Variants in DNM2 observed in about 807,000 individuals in gnomAD.
DNM2 encodes the protein dynamin-2.
DNM2 carries 15 observed loss-of-function variants against 99.0 expected under a neutral mutation model. That is an observed-to-expected ratio of 0.15 (90% CI 0.10 to 0.23). DNM2 has a LOEUF of 0.23. Ranked by LOEUF, DNM2 falls within the 10% of genes least tolerant of loss-of-function variation. The pLI, the probability that DNM2 is intolerant of heterozygous loss-of-function variation, is 1.00. For missense variants in DNM2, 742 were observed against 1,189.4 expected (o/e 0.62, Z 5.53); for synonymous variants, 525 against 481.2 (o/e 1.09, Z -1.19).
chr19:10,784,159 C>T lies in DNM2; in HGVS notation c.849+1039C>T, dbSNP rs569698599. Reference sequence around the variant, plus strand: ...TGGCAGCAGGGCCTCAGCAGCACTCCAGCAGTCATCTTTTCATGCACATAT... The same window carrying T: ...TGGCAGCAGGGCCTCAGCAGCACTCTAGCAGTCATCTTTTCATGCACATAT... On this transcript the variant is annotated intron_variant, in intron 6 of 20. Transcript: ENST00000389253. 9.7e-4 allele frequency among the ~76,000 whole-genome samples: 147 copies of T among 152,224 alleles called. 1 individual carries two copies. The South Asian group carries it at 0.028, about 29-fold the overall frequency.
chr19:10,743,552 T>TTTA (rs2069838147), intron 1 of DNM2, among the ~76,000 whole-genome samples: 1 of 152,030 alleles, frequency 6.6e-6, no homozygotes, highest in African/African-American at 2.4e-5. Context: ...GGCTCACACC[T>TTTA]GTAATCCCAG....
rs190007042 is a variant in DNM2 at position 10,773,623 on chromosome 19, T to A, written c.385+995T>A. Among the ~76,000 whole-genome samples, 74 of 151,772 alleles carry A rather than the reference T, an allele frequency of 4.9e-4. 1 individual carries two copies. In the Middle Eastern group the frequency reaches 0.01, roughly 21 times the overall value. On this transcript the variant is annotated intron_variant, in intron 3 of 20. Coordinates refer to ENST00000389253, the MANE Select transcript of DNM2 (RefSeq NM_001005361.3). The stretch of plus-strand genomic sequence containing the variant: ...ACCACCCTGCCTGGCTAATTTTTTT[T>A]TTATTTTTTATTTTTTTTATTTTTA...
intron 1 of DNM2, among the ~76,000 whole-genome samples, chr19:10,728,981 T>G (rs2069201969): frequency 6.8e-6 from 1 of 146,454 alleles, no homozygotes; most frequent in South Asian, 2.2e-4. Flanking sequence ...GGTTCACGCC[T>G]GTAATCCCAA....
chr19:10,790,293 T>TTTTGTTTGTTTG (rs60635213), intron 7 of DNM2, among the ~76,000 whole-genome samples: 1 of 150,874 alleles, frequency 6.6e-6, no homozygotes, highest in African/African-American at 2.4e-5. Flanking sequence ...CCCAGGGTTT[T>TTTTGTTTGTTTG]TTTGTTTGTT....
At position 10,812,083 on chromosome 19, in the gene DNM2, A is replaced by G. The variant is rs780284936; in HGVS notation, c.1558-181A>G. 4 of 571,708 alleles carry G rather than the reference A, an allele frequency of 7.0e-6. No individual in the cohort carries two copies. Among genetic ancestry groups the G allele is most frequent in the Admixed American group, 6.6e-5 (3 of 45,548 alleles). The allele number at this position is 571,708 out of a possible 1,614,324, so 35.4% of individuals were successfully genotyped here. On this transcript the variant is annotated intron_variant, in intron 14 of 20. Transcript: ENST00000389253. This position sits in a 1 kb window ranked among gnomAD's most constrained non-coding sequence, Gnocchi z 4.0. ...CGCCCACCTGCCCAGGTGGCGCCTC[A>G]TGTTGGTTTCCTGCTGGAAATGCTT...
chr19:10,812,157 C>G lies in DNM2; in HGVS notation c.1558-107C>G, dbSNP rs747892530. On this transcript the variant is annotated intron_variant, in intron 14 of 20. Coordinates refer to ENST00000389253, the MANE Select transcript of DNM2 (RefSeq NM_001005361.3). This position sits in a 1 kb window ranked among gnomAD's most constrained non-coding sequence, Gnocchi z 4.0. ...CTGGGCTTTGGGGCTGGAGGTGTCT[C>G]TATTGCGGTCCCTGGCTTCCCACTG... The G allele has an allele frequency of 2.0e-5, 18 of 915,504 alleles. No homozygotes were observed. The East Asian group carries it at 5.4e-4, about 27-fold the overall frequency. 56.7% of individuals were successfully genotyped at this position (915,504 alleles called of 1,614,324 possible).
At chr19:10,718,564 G>C (rs2145639160) in intron 1 of DNM2, 161 bp downstream of exon 1, 1 of 1,072,256 alleles carries the variant, frequency 9.3e-7, no homozygotes, top group South Asian at 4.0e-5. Context: ...GGACGCCCTG[G>C]GCAGAGGACT....
At chr19:10,752,080 A>T (rs1474364901) in intron 1 of DNM2, among the ~76,000 whole-genome samples, 1 of 152,192 alleles carries the variant, frequency 6.6e-6, no homozygotes, top group Non-Finnish European at 1.5e-5. Context: ...GGCACGTAAA[A>T]GAGAGAGGAA....
intron 2 of DNM2, 143 bp downstream of exon 2, chr19:10,759,954 G>GAAA: frequency 8.4e-7 from 1 of 1,190,384 alleles, no homozygotes. Context: ...TGAGGAAATT[G>GAAA]AAAAACGGCT....
chr19:10,773,981 G>A (rs1397260715), intron 3 of DNM2, among the ~76,000 whole-genome samples: 1 of 152,170 alleles, frequency 6.6e-6, no homozygotes, highest in African/African-American at 2.4e-5. Context: ...TGGCCCAGAG[G>A]CACAGATTGC....
Position 10,727,190 on chromosome 19 carries a change from G to T in DNM2, c.161+8787G>T, listed in dbSNP as rs141000903. ...GGAAGACAGATTTCTCCAAAGCTGC[G>T]CTCTAGGCTGTCCAAGTGCTTTTTC... On this transcript the variant is annotated intron_variant, in intron 1 of 20. Coordinates refer to ENST00000389253, the MANE Select transcript of DNM2 (RefSeq NM_001005361.3). Among the ~76,000 whole-genome samples the T allele has an allele frequency of 4.2e-3, 640 of 152,158 alleles. 2 individuals carry two copies. Among genetic ancestry groups the T allele is most frequent in the Middle Eastern group, 0.014 (4 of 294 alleles).
At chr19:10,774,588 G>A (rs572173619) in intron 3 of DNM2, among the ~76,000 whole-genome samples, 3 of 152,018 alleles carry the variant, frequency 2.0e-5, no homozygotes, top group Admixed American at 1.3e-4. Context: ...CACCTCACCC[G>A]GCTAATTTTG....
intron 1 of DNM2, among the ~76,000 whole-genome samples, chr19:10,744,022 G>A (rs1425270893): frequency 6.6e-6 from 1 of 151,654 alleles, no homozygotes; most frequent in Non-Finnish European, 1.5e-5. Flanking sequence ...GCCAGACGTG[G>A]TAGCATACGC....
In DNM2 at chr19:10,727,374, G is replaced by GT. The variant is rs1053250552; in HGVS notation, c.161+8980dup. Among the ~76,000 whole-genome samples, 261 of 150,138 alleles carry GT rather than the reference G, an allele frequency of 1.7e-3. 1 individual carries two copies. Among genetic ancestry groups the GT allele is most frequent in the African/African-American group, 5.2e-3 (212 of 40,938 alleles). The stretch of plus-strand genomic sequence containing the variant: ...TCTTTTCTTTTCTTTTTCTTTTTTT[G>GT]TTTTTTTTTGAGACGGGATCTCACT... On this transcript the variant is annotated intron_variant, in intron 1 of 20. Coordinates refer to ENST00000389253, the MANE Select transcript of DNM2 (RefSeq NM_001005361.3).
intron 5 of DNM2, among the ~76,000 whole-genome samples, chr19:10,778,431 G>A (rs1239226490): frequency 2.0e-5 from 3 of 151,854 alleles, no homozygotes; most frequent in African/African-American, 7.3e-5. Flanking sequence ...GCAGGAGGAT[G>A]CCTTGAGGCT....
intron 1 of DNM2, among the ~76,000 whole-genome samples, chr19:10,731,708 C>T (rs1031236406): frequency 6.6e-6 from 1 of 152,050 alleles, no homozygotes; most frequent in Non-Finnish European, 1.5e-5. Flanking sequence ...AGAGAGGCCA[C>T]GAGCCACTGG....
At chr19:10,806,774 C>T (rs1568311332) in intron 13 of DNM2, among the ~76,000 whole-genome samples, 2 of 152,134 alleles carry the variant, frequency 1.3e-5, no homozygotes, top group Non-Finnish European at 2.9e-5. Flanking sequence ...GTGTGGGTGA[C>T]AGGGCCAGAC....
At chr19:10,746,730 TTTTG>T (rs1290753599) in intron 1 of DNM2, among the ~76,000 whole-genome samples, 3 of 122,692 alleles carry the variant, frequency 2.4e-5, no homozygotes, top group Non-Finnish European at 3.3e-5. Context: ...TTTTTTTGTT[TTTTG>T]TTTTTTTTTT....
chr19:10,734,844 CG>C (rs966462705), intron 1 of DNM2, among the ~76,000 whole-genome samples: 10 of 148,852 alleles, frequency 6.7e-5, no homozygotes, highest in African/African-American at 2.2e-4. Context: ...ATCTAGTTGT[CG>C]GATCTCCTTA....
Sources: gnomAD v4.1 joint callset for allele counts (sites outside exome capture counted in the v4.1 genomes callset) on GRCh38, gnomAD v4.1.1 for gene constraint, Gnocchi (gnomAD v3.1) non-coding constraint, MANE v1.5 for transcripts, NCBI Gene and HGNC (gene_info 2026-07-23, HGNC 2026-07-21) for gene names.